Variants in PLXDC2 observed in about 807,000 individuals in gnomAD.
The protein encoded by PLXDC2 is plexin domain-containing protein 2.
PLXDC2 carries 40 observed loss-of-function variants against 68.9 expected under a neutral mutation model. The ratio of observed to expected loss-of-function variants is 0.58; its 90% confidence interval spans 0.45 to 0.76. PLXDC2 has a LOEUF of 0.76. Among genes scored for constraint, PLXDC2 ranks in the 30% least tolerant of loss-of-function variants. The pLI, the probability that PLXDC2 is intolerant of heterozygous loss-of-function variation, is 0.00. For missense variants in PLXDC2, 644 were observed against 661.9 expected, an observed-to-expected ratio of 0.97 and a Z score of 0.30; for synonymous variants, 243 against 234.2, an observed-to-expected ratio of 1.04 and a Z score of -0.34.
intron 3 of PLXDC2, among the ~76,000 whole-genome samples, chr10:20,047,766 A>G (rs1307319956): frequency 6.6e-6 from 1 of 152,156 alleles, no homozygotes; most frequent in East Asian, 1.9e-4. Flanking sequence ...ATATTATTAC[A>G]TCACACATTG....
At chr10:20,194,055 T>G (rs1029015019) in intron 9 of PLXDC2, among the ~76,000 whole-genome samples, 3 of 151,868 alleles carry the variant, frequency 2.0e-5, no homozygotes, top group African/African-American at 7.3e-5. Context: ...GCTCACAAAT[T>G]TATAATAAAG....
intron 4 of PLXDC2, among the ~76,000 whole-genome samples, chr10:20,105,986 T>G (rs1284202561): frequency 6.6e-6 from 1 of 152,214 alleles, no homozygotes; most frequent in Non-Finnish European, 1.5e-5. Context: ...TTCCATTAAT[T>G]CCACATGTAT....
rs530574778 is a variant in PLXDC2, at chr10:19,972,411, G to T, written c.113-29364G>T. 9.2e-5 allele frequency among the ~76,000 whole-genome samples: 14 copies of T among 152,288 alleles called. No homozygotes were observed. In the South Asian group the frequency reaches 2.3e-3, roughly 25 times the overall value. On this transcript the variant is annotated intron_variant, in intron 1 of 13. Coordinates refer to ENST00000377252, the MANE Select transcript of PLXDC2 (RefSeq NM_032812.9). ...TAAACACTGAGGACTTGTGGACATT[G>T]AGAGAGAAACAATAGACACCAGAGT...
chr10:19,839,358 T>C (rs981974021), intron 1 of PLXDC2, among the ~76,000 whole-genome samples: 1 of 152,064 alleles, frequency 6.6e-6, no homozygotes, highest in Non-Finnish European at 1.5e-5. Context: ...CATTATGAGA[T>C]TTTTTTGCAA....
chr10:20,055,366 T>G (rs1475915145), intron 3 of PLXDC2, among the ~76,000 whole-genome samples: 1 of 152,140 alleles, frequency 6.6e-6, no homozygotes, highest in African/African-American at 2.4e-5. Context: ...ATTTAGCTGT[T>G]TATGGCGACT....
At chr10:20,036,995 G>T (rs565931811) in intron 2 of PLXDC2, among the ~76,000 whole-genome samples, 36 of 152,234 alleles carry the variant, frequency 2.4e-4, no homozygotes, top group African/African-American at 8.2e-4. Context: ...CTTAAATCAG[G>T]CATAGGGTCT....
intron 12 of PLXDC2, among the ~76,000 whole-genome samples, chr10:20,222,857 T>C (rs1835231893): frequency 6.6e-6 from 1 of 152,010 alleles, no homozygotes; most frequent in Admixed American, 6.6e-5. Flanking sequence ...AAAAAGAAGA[T>C]CTTATGTAAA....
At chr10:19,874,125 T>C (rs189698324) in intron 1 of PLXDC2, among the ~76,000 whole-genome samples, 245 of 152,324 alleles carry the variant, frequency 1.6e-3, no homozygotes, top group Non-Finnish European at 2.9e-3. Context: ...ACACTTACGA[T>C]CACAGTGGAT....
At chr10:20,029,780 CAA>C (rs1286512313) in intron 2 of PLXDC2, among the ~76,000 whole-genome samples, 1 of 152,052 alleles carries the variant, frequency 6.6e-6, no homozygotes. Flanking sequence ...AATTTTAAAA[CAA>C]AACTGCTCAA....
chr10:20,070,569 G>T (rs1055793673), intron 4 of PLXDC2, among the ~76,000 whole-genome samples: 1 of 152,098 alleles, frequency 6.6e-6, no homozygotes, highest in Admixed American at 6.5e-5. Flanking sequence ...TTGTTGAAGG[G>T]TTAAATGAAA....
At chr10:20,127,772 T>A (rs1833812489) in intron 4 of PLXDC2, among the ~76,000 whole-genome samples, 1 of 152,114 alleles carries the variant, frequency 6.6e-6, no homozygotes, top group African/African-American at 2.4e-5. Flanking sequence ...GGAGAATGGC[T>A]TGCACCCAGG....
At chr10:20,066,016 C>A (rs1276870855) in intron 3 of PLXDC2, among the ~76,000 whole-genome samples, 1 of 152,170 alleles carries the variant, frequency 6.6e-6, no homozygotes, top group Non-Finnish European at 1.5e-5. Context: ...ATGATAGTGA[C>A]CGATGTTTGG....
At position 20,285,720 on chromosome 10, in the gene PLXDC2, A is replaced by G. The variant is rs1180838307; in HGVS notation, c.*5901A>G. The G allele has an allele frequency of 1.3e-5, 2 of 152,224 alleles. No homozygotes were observed. Among genetic ancestry groups the G allele is most frequent in the Non-Finnish European group, 2.9e-5 (2 of 68,038 alleles). The allele number at this position is 152,224 out of a possible 1,614,324, so 9.4% of individuals were successfully genotyped here. A position where few individuals can be genotyped will look rare whatever the true frequency, so the allele number is the denominator to read the frequency against. ...TTCTATTGGGTTTTGAATTATTAAT[A>G]TCACTGTTTTGAGGTATTCAGAAAC... is the stretch of plus-strand genomic sequence containing the variant. On this transcript the variant is annotated 3_prime_UTR_variant, in exon 14 of 14. Transcript: ENST00000377252.
rs1836097310 is a variant in PLXDC2 at position 20,282,710 on chromosome 10, C to G, written c.*2891C>G. ...GCAAAAATTCAAAAAATTGCAACCT[C>G]AGGCATAAATGGCTTAAGCCCAAGA... On this transcript the variant is annotated 3_prime_UTR_variant, in exon 14 of 14. Coordinates refer to ENST00000377252, the MANE Select transcript of PLXDC2 (RefSeq NM_032812.9). The G allele has an allele frequency of 6.6e-6, 1 of 152,122 alleles. No individual in the cohort carries two copies. Among genetic ancestry groups the G allele is most frequent in the South Asian group, 2.1e-4 (1 of 4,830 alleles). 9.4% of individuals were successfully genotyped at this position (152,122 alleles called of 1,614,324 possible). A position where few individuals can be genotyped will look rare whatever the true frequency, so the allele number is the denominator to read the frequency against.
chr10:19,834,942 G>A (rs1439718575), intron 1 of PLXDC2, among the ~76,000 whole-genome samples: 1 of 152,146 alleles, frequency 6.6e-6, no homozygotes, highest in Non-Finnish European at 1.5e-5. Flanking sequence ...GGGAGCATAG[G>A]TCTTAGCCTA....
chr10:20,033,710 C>A (rs550725424), intron 2 of PLXDC2, among the ~76,000 whole-genome samples: 1 of 152,256 alleles, frequency 6.6e-6, no homozygotes, highest in South Asian at 2.1e-4. Flanking sequence ...AAGATTCACC[C>A]CCATGATTCA....
intron 6 of PLXDC2, among the ~76,000 whole-genome samples, chr10:20,150,575 A>G (rs1221850010): frequency 6.6e-6 from 1 of 152,172 alleles, no homozygotes; most frequent in African/African-American, 2.4e-5. Context: ...ATTGCAATCT[A>G]GTATATTGCT....
rs145858514 is a variant in PLXDC2 at position 20,226,122 on chromosome 10, T to C, written c.1312+7020T>C. Among the ~76,000 whole-genome samples, 19 of 152,352 alleles carry C rather than the reference T, an allele frequency of 1.2e-4. No homozygotes were observed. In the East Asian group the frequency reaches 1.4e-3, roughly 11 times the overall value. Reference sequence around the variant, plus strand: ...CTATTGGTCCATTGGTCCTCACCTATACTTCCTGGCTTTCCTGAAACAGTA... The same window carrying C: ...CTATTGGTCCATTGGTCCTCACCTACACTTCCTGGCTTTCCTGAAACAGTA... On this transcript the variant is annotated intron_variant, in intron 12 of 13. Transcript: ENST00000377252.
In PLXDC2 at chr10:20,128,955, C is replaced by T. The variant is rs1833828737; in HGVS notation, c.542-14340C>T. 2.0e-5 allele frequency among the ~76,000 whole-genome samples: 3 copies of T among 152,170 alleles called. No homozygotes were observed. In the South Asian group the frequency reaches 6.2e-4, roughly 31 times the overall value. ...TGCTGCAATGAACATGGAAGTTCTG[C>T]TATCCCTTGCACATACTGATTTCAC... On this transcript the variant is annotated intron_variant, in intron 4 of 13. Transcript: ENST00000377252.
Sources: gnomAD v4.1 joint callset for allele counts (sites outside exome capture counted in the v4.1 genomes callset) on GRCh38, gnomAD v4.1.1 for gene constraint, MANE v1.5 for transcripts, NCBI Gene and HGNC (gene_info 2026-07-23, HGNC 2026-07-21) for gene names.